Variants in CDH4 observed in about 807,000 individuals in gnomAD.
The protein encoded by CDH4 is cadherin-4.
CDH4 carries 33 observed loss-of-function variants against 86.0 expected under a neutral mutation model. The observed-to-expected ratio is 0.38, with a 90% CI of 0.29 to 0.51. The LOEUF (loss-of-function observed/expected upper bound fraction) is 0.51, where lower values mean the gene tolerates loss of function less well. Ranked by LOEUF, CDH4 falls within the 20% of genes least tolerant of loss-of-function variation. The pLI, the probability that CDH4 is intolerant of heterozygous loss-of-function variation, is 0.86. For synonymous variants in CDH4, 555 were observed against 549.4 expected (o/e 1.01, Z -0.14); for missense variants, 1,114 against 1,307.4 (o/e 0.85, Z 2.28).
At chr20:61,788,474 G>C (rs1979001074) in intron 4 of CDH4, among the ~76,000 whole-genome samples, 1 of 152,170 alleles carries the variant, frequency 6.6e-6, no homozygotes, top group South Asian at 2.1e-4. Flanking sequence ...CAGGATCCTG[G>C]CTCCCAGCTC....
chr20:61,465,288 A>G (rs573755466), intron 2 of CDH4, among the ~76,000 whole-genome samples: 1 of 152,230 alleles, frequency 6.6e-6, no homozygotes, highest in African/African-American at 2.4e-5. Context: ...TTTTTGTTGG[A>G]ATTATGCATT....
chr20:61,863,004 C>T (rs1983395632), intron 6 of CDH4, among the ~76,000 whole-genome samples: 1 of 152,160 alleles, frequency 6.6e-6, no homozygotes, highest in African/African-American at 2.4e-5. Flanking sequence ...ACAGATGGCA[C>T]TAGATACTTG....
At chr20:61,565,187 GTCCTCTTGGTGGTGGTCGCGGTGC>G (rs1240214126) in intron 2 of CDH4, among the ~76,000 whole-genome samples, 1 of 77,910 alleles carries the variant, frequency 1.3e-5, no homozygotes, top group Non-Finnish European at 2.6e-5. Context: ...GGTGGTGGTG[GTCCTCTTGGTGGTGGTCGCGGTGC>G]TCTCGGTGGT....
intron 2 of CDH4, among the ~76,000 whole-genome samples, chr20:61,612,679 T>C (rs908358663): frequency 6.6e-6 from 1 of 152,090 alleles, no homozygotes; most frequent in South Asian, 2.1e-4. Context: ...AGCCCTTCAT[T>C]CCGATGTTAC....
intron 2 of CDH4, among the ~76,000 whole-genome samples, chr20:61,599,332 C>T (rs2086580317): frequency 6.6e-6 from 1 of 152,192 alleles, no homozygotes; most frequent in Non-Finnish European, 1.5e-5. Context: ...ACTCTGCAGA[C>T]AAGAGGGGGC....
intron 4 of CDH4, among the ~76,000 whole-genome samples, chr20:61,825,960 C>A (rs185022745): frequency 4.6e-5 from 7 of 152,286 alleles, no homozygotes; most frequent in African/African-American, 1.7e-4. Context: ...CTGTACCTTC[C>A]GAACAGATCT....
chr20:61,431,737 A>G (rs1176500210), intron 2 of CDH4, among the ~76,000 whole-genome samples: 1 of 152,158 alleles, frequency 6.6e-6, no homozygotes, highest in Admixed American at 6.5e-5. Flanking sequence ...AACCACCACC[A>G]TAATCAAGGT....
intron 2 of CDH4, among the ~76,000 whole-genome samples, chr20:61,275,782 T>A (rs571868912): frequency 2.0e-5 from 3 of 152,176 alleles, no homozygotes; most frequent in African/African-American, 7.2e-5. Flanking sequence ...TTCTGAAGGA[T>A]CCTGGATTCT....
intron 2 of CDH4, among the ~76,000 whole-genome samples, chr20:61,710,099 C>T (rs1258765829): frequency 8.5e-5 from 13 of 152,168 alleles, no homozygotes; most frequent in Non-Finnish European, 1.5e-4. Flanking sequence ...CCAGAATGAA[C>T]CGAGAACCTC....
intron 2 of CDH4, among the ~76,000 whole-genome samples, chr20:61,410,741 C>T (rs975845504): frequency 1.4e-4 from 21 of 152,158 alleles, no homozygotes; most frequent in Middle Eastern, 3.4e-3. Context: ...TTCCATTCCT[C>T]TCACTGGTCC....
chr20:61,871,976 T>C (rs1476478636), intron 6 of CDH4, among the ~76,000 whole-genome samples: 1 of 150,808 alleles, frequency 6.6e-6, no homozygotes, highest in African/African-American at 2.4e-5. Context: ...TTGTCCTGCC[T>C]GGGTGGAAGG....
At chr20:61,514,151 C>T (rs757407735) in intron 2 of CDH4, among the ~76,000 whole-genome samples, 5 of 152,154 alleles carry the variant, frequency 3.3e-5, no homozygotes, top group African/African-American at 7.2e-5. Flanking sequence ...GTGGATCCAG[C>T]GATTCTCTGA....
chr20:61,726,263 C>A (rs2088110005), intron 2 of CDH4, among the ~76,000 whole-genome samples: 1 of 152,116 alleles, frequency 6.6e-6, no homozygotes, highest in African/African-American at 2.4e-5. Flanking sequence ...CCATTGGCAC[C>A]AGCACAGGCC....
chr20:61,469,521 TTTG>T (rs2145567185), intron 2 of CDH4, among the ~76,000 whole-genome samples: 1 of 152,332 alleles, frequency 6.6e-6, no homozygotes, highest in Admixed American at 6.5e-5. Context: ...GTCTGTTCAC[TTTG>T]TTGATTGTTT....
chr20:61,414,322 G>C (rs1233582272), intron 2 of CDH4, among the ~76,000 whole-genome samples: 4 of 152,226 alleles, frequency 2.6e-5, no homozygotes, highest in Admixed American at 2.0e-4. Context: ...TGCAGGAAGT[G>C]GGTGTCATTG....
intron 7 of CDH4, among the ~76,000 whole-genome samples, chr20:61,880,161 G>A (rs1600732187): frequency 6.6e-6 from 1 of 152,150 alleles, no homozygotes; most frequent in Non-Finnish European, 1.5e-5. Context: ...GAAAGTGTTC[G>A]TCGGTGACCA....
intron 5 of CDH4, among the ~76,000 whole-genome samples, chr20:61,845,369 C>T (rs1406089651): frequency 1.3e-5 from 2 of 152,140 alleles, no homozygotes; most frequent in East Asian, 3.9e-4. Context: ...GGGCTGTGCA[C>T]GGAAAGAAAT....
At chr20:61,364,465 G>A (rs192574499) in intron 2 of CDH4, among the ~76,000 whole-genome samples, 13 of 152,326 alleles carry the variant, frequency 8.5e-5, no homozygotes, top group South Asian at 2.1e-4. Context: ...GGGCTCCTCT[G>A]TAGCTGCTTC....
At chr20:61,508,158 A>G (rs2085754858) in intron 2 of CDH4, among the ~76,000 whole-genome samples, 1 of 152,224 alleles carries the variant, frequency 6.6e-6, no homozygotes, top group Non-Finnish European at 1.5e-5. Context: ...GTCAGTGTGT[A>G]AATAAATGCC....
Sources: gnomAD v4.1 joint callset for allele counts (sites outside exome capture counted in the v4.1 genomes callset) on GRCh38, gnomAD v4.1.1 for gene constraint, MANE v1.5 for transcripts, NCBI Gene and HGNC (gene_info 2026-07-23, HGNC 2026-07-21) for gene names.